SH3PXD2A: variants seen among roughly 807,000 people sequenced by gnomAD.
The protein encoded by SH3PXD2A is SH3 and PX domains 2A, also known as SH3 and PX domain-containing protein 2A.
Under a neutral mutation model 115.2 loss-of-function variants are expected in SH3PXD2A, and 32 were observed. The ratio of observed to expected loss-of-function variants is 0.28; its 90% CI spans 0.21 to 0.37. The LOEUF (loss-of-function observed/expected upper bound fraction) is 0.37, where lower values mean the gene tolerates loss of function less well. Ranked by LOEUF, SH3PXD2A falls within the 10% of genes least tolerant of loss-of-function variation. The pLI is 1.00. For missense variants in SH3PXD2A, 1,328 were observed against 1,498.7 expected, an observed-to-expected ratio of 0.89 and a Z score of 1.88; for synonymous variants, 610 against 629.1, an observed-to-expected ratio of 0.97 and a Z score of 0.45.
intron 11 of SH3PXD2A, among the ~76,000 whole-genome samples, chr10:103,614,778 T>C (rs2036483866): frequency 6.9e-6 from 1 of 145,250 alleles, no homozygotes; most frequent in Non-Finnish European, 1.5e-5. Context: ...GCCCACCGTC[T>C]TCCTGATCTG....
intron 1 of SH3PXD2A, among the ~76,000 whole-genome samples, chr10:103,829,521 T>C (rs2039465087): frequency 6.6e-6 from 1 of 152,184 alleles, no homozygotes; most frequent in Non-Finnish European, 1.5e-5. Context: ...TGGATTAACA[T>C]GTAATCCTGT....
intron 1 of SH3PXD2A, among the ~76,000 whole-genome samples, chr10:103,819,611 C>A (rs2039357421): frequency 6.6e-6 from 1 of 152,014 alleles, no homozygotes; most frequent in Admixed American, 6.6e-5. Flanking sequence ...AAGGTCAAAG[C>A]CAGCTGAAGT....
intron 1 of SH3PXD2A, among the ~76,000 whole-genome samples, chr10:103,850,188 A>C (rs1842884007): frequency 6.6e-6 from 1 of 152,184 alleles, no homozygotes; most frequent in African/African-American, 2.4e-5. Flanking sequence ...CTGGGCTGGA[A>C]TCGGTCTCCT....
At chr10:103,837,591 G>C (rs746056742) in intron 1 of SH3PXD2A, among the ~76,000 whole-genome samples, 12 of 152,214 alleles carry the variant, frequency 7.9e-5, no homozygotes, top group Non-Finnish European at 1.6e-4. Context: ...CTGTCAGTGT[G>C]CTGGATGCCA....
In SH3PXD2A at chr10:103,602,892, T is replaced by C; in HGVS notation, c.2326A>G (p.Ser776Gly). The C allele has an allele frequency of 6.2e-7, 1 of 1,614,084 alleles. No individual in the cohort carries two copies. The highest frequency in any genetic ancestry group is 8.5e-7 in the Non-Finnish European group (1 of 1,179,934). Residue 776 changes from serine (S) to glycine (G), a missense_variant, in exon 15 of 15, where the codon AGC becomes GGC. Physicochemically the swap from Ser to Gly is moderately conservative, Grantham distance 56. This residue lies in a region of SH3PXD2A where 574 missense variants were observed against 565.7 expected (regional missense o/e 1.01). Transcript: ENST00000369774. ...ESQSQEKMDISTLRRQLRPTG... is the reference protein window; with the variant it reads ...ESQSQEKMDIGTLRRQLRPTG... ...GGTCTCAGCTGGCGCCGTAAAGTGC[T>C]GATGTCCATCTTCTCTTGGCTCTGC... is the stretch of plus-strand genomic sequence containing the variant.
At chr10:103,672,949 C>A (rs2134087254) in intron 6 of SH3PXD2A, among the ~76,000 whole-genome samples, 1 of 152,328 alleles carries the variant, frequency 6.6e-6, no homozygotes, top group South Asian at 2.1e-4. Context: ...AGGAGAAAAC[C>A]AGGGGCCTGG....
chr10:103,725,191 A>G (rs1248145919), intron 4 of SH3PXD2A, among the ~76,000 whole-genome samples: 2 of 152,174 alleles, frequency 1.3e-5, no homozygotes, highest in Non-Finnish European at 1.5e-5. Flanking sequence ...GCGATCAAGC[A>G]TGTTGGTTTC....
rs957384539 is a variant in SH3PXD2A, at chr10:103,662,086, G to C, written c.473-972C>G. On this transcript the variant is annotated intron_variant, in intron 7 of 14. Transcript: ENST00000369774. ...CAGTTTCTCTCTGCCTTTCAGTGCC[G>C]GGGCTTGTGGTCAGGCCCCGGCAGT... is the stretch of plus-strand genomic sequence containing the variant. 24 of 492,060 alleles carry C rather than the reference G, an allele frequency of 4.9e-5. 1 individual carries two copies. Among genetic ancestry groups the C allele is most frequent in the African/African-American group, 3.8e-4 (18 of 47,834 alleles). 30.5% of individuals were successfully genotyped at this position (492,060 alleles called of 1,614,324 possible).
chr10:103,787,450 C>A (rs1457078908), intron 2 of SH3PXD2A, among the ~76,000 whole-genome samples: 1 of 152,210 alleles, frequency 6.6e-6, no homozygotes, highest in Non-Finnish European at 1.5e-5. Flanking sequence ...TGGCCCCAGT[C>A]TCTTCTGTCT....
chr10:103,817,956 C>T (rs764974744), intron 1 of SH3PXD2A, among the ~76,000 whole-genome samples: 52 of 152,072 alleles, frequency 3.4e-4, no homozygotes, highest in Non-Finnish European at 6.6e-4. Flanking sequence ...GCTAATGGGG[C>T]CTCTTTCTGG....
intron 1 of SH3PXD2A, among the ~76,000 whole-genome samples, chr10:103,848,857 C>T (rs939603451): frequency 2.6e-5 from 4 of 151,800 alleles, no homozygotes; most frequent in South Asian, 2.1e-4. Context: ...CTCCATAAGG[C>T]GCCAGGTACC....
chr10:103,660,967 T>C lies in SH3PXD2A; in HGVS notation c.604+16A>G, dbSNP rs1376710740. The C allele has an allele frequency of 2.5e-5, 40 of 1,613,256 alleles. No individual in the cohort carries two copies. The highest frequency in any genetic ancestry group is 3.4e-5 in the Non-Finnish European group (40 of 1,179,614). On this transcript the variant is annotated intron_variant, in intron 8 of 14. Coordinates refer to ENST00000369774, the MANE Select transcript of SH3PXD2A (RefSeq NM_001394015.1). The stretch of plus-strand genomic sequence containing the variant: ...GACCGGAACCCCAGTGGACGGCCAT[T>C]GGCCAGGGCACTCACCGCTCTCGTT...
intron 3 of SH3PXD2A, among the ~76,000 whole-genome samples, chr10:103,743,575 T>A (rs1392813349): frequency 6.6e-6 from 1 of 152,094 alleles, no homozygotes; most frequent in Non-Finnish European, 1.5e-5. Flanking sequence ...CTTGTTATGT[T>A]GCCTAGGCTG....
At chr10:103,643,493 C>T (rs548515131) in intron 8 of SH3PXD2A, among the ~76,000 whole-genome samples, 17 of 152,126 alleles carry the variant, frequency 1.1e-4, no homozygotes, top group African/African-American at 1.7e-4. Context: ...CGGGAGATTC[C>T]GGAAAAACAC....
chr10:103,772,498 T>A (rs559252453), intron 2 of SH3PXD2A, among the ~76,000 whole-genome samples: 65 of 152,324 alleles, frequency 4.3e-4, no homozygotes, highest in African/African-American at 1.4e-3. Flanking sequence ...GCAGGGCCCA[T>A]CGCCAGAGTC....
intron 1 of SH3PXD2A, among the ~76,000 whole-genome samples, chr10:103,814,181 G>A (rs959961010): frequency 5.3e-5 from 8 of 152,126 alleles, no homozygotes; most frequent in Non-Finnish European, 1.0e-4. Flanking sequence ...TCAAAGTGGG[G>A]AAAGCAAACA....
chr10:103,640,600 ATGGAG>A (rs2036940572), intron 8 of SH3PXD2A, among the ~76,000 whole-genome samples: 1 of 152,220 alleles, frequency 6.6e-6, no homozygotes, highest in African/African-American at 2.4e-5. Context: ...CGTGGGAGAC[ATGGAG>A]ATGGGAGCAA....
chr10:103,667,601 G>A (rs1184475678), intron 7 of SH3PXD2A, among the ~76,000 whole-genome samples: 5 of 152,088 alleles, frequency 3.3e-5, no homozygotes, highest in South Asian at 4.2e-4. Flanking sequence ...CTCCCAACAC[G>A]TTTACCTCCC....
In SH3PXD2A at chr10:103,603,195, T is replaced by C; in HGVS notation, c.2023A>G (p.Lys675Glu). The C allele has an allele frequency of 1.9e-6, 3 of 1,614,132 alleles. No homozygotes were observed. The highest frequency in any genetic ancestry group is 2.5e-6 in the Non-Finnish European group (3 of 1,180,030). ...TTCCCCATTTCTGCCTGGGCATTCTTCTCTGCCTTGAGCTTTAGGAGTGAT... is the reference window on the plus strand; with the variant it reads ...TTCCCCATTTCTGCCTGGGCATTCTCCTCTGCCTTGAGCTTTAGGAGTGAT... ...SSSLLKLKAE[K>E]NAQAEMGKNH... Residue 675 changes from lysine to glutamate, a missense_variant, in exon 15 of 15, where the codon AAG (lysine) becomes GAG (glutamate). Lys to Glu is a moderately conservative substitution (Grantham distance 56). Coordinates refer to ENST00000369774, the MANE Select transcript of SH3PXD2A (RefSeq NM_001394015.1).
Sources: gnomAD v4.1 joint callset for allele counts (sites outside exome capture counted in the v4.1 genomes callset) on GRCh38, gnomAD v4.1.1 for gene constraint, gnomAD v4.1.1 regional missense constraint, MANE v1.5 for transcripts, NCBI Gene and HGNC (gene_info 2026-07-23, HGNC 2026-07-21) for gene names.